Variants in SEPTIN7 observed in about 807,000 individuals in gnomAD.
SEPTIN7 encodes the protein septin-7.
SEPTIN7 carries 10 observed loss-of-function variants against 63.3 expected under a neutral mutation model. That is an observed-to-expected ratio of 0.16 (90% CI 0.10 to 0.27). The LOEUF (loss-of-function observed/expected upper bound fraction) is 0.27, where lower values mean the gene tolerates loss of function less well. SEPTIN7 is among the 10% of genes least tolerant of loss of function. SEPTIN7 has a pLI of 1.00. For synonymous variants in SEPTIN7, 131 were observed against 165.3 expected (o/e 0.79, Z 1.59); for missense variants, 310 against 521.0 (o/e 0.59, Z 3.94).
intron 4 of SEPTIN7, among the ~76,000 whole-genome samples, chr7:35,871,553 A>G (rs1391795821): frequency 6.6e-6 from 1 of 152,232 alleles, no homozygotes; most frequent in Non-Finnish European, 1.5e-5. Context: ...CAATTCCATC[A>G]TCTCAGAAAG....
chr7:35,901,264 G>A (rs1788303405), intron 12 of SEPTIN7: 1 of 152,124 alleles, frequency 6.6e-6, no homozygotes, highest in Non-Finnish European at 1.5e-5. Flanking sequence ...TAGTATGCCA[G>A]CATTTGAACC....
At chr7:35,851,368 GATA>G (rs1784951890) in intron 3 of SEPTIN7, among the ~76,000 whole-genome samples, 1 of 152,074 alleles carries the variant, frequency 6.6e-6, no homozygotes, top group Non-Finnish European at 1.5e-5. Flanking sequence ...ATGAGGGAAT[GATA>G]ATGACATTGT....
intron 6 of SEPTIN7, among the ~76,000 whole-genome samples, chr7:35,876,851 C>T (rs2116243827): frequency 6.6e-6 from 1 of 152,218 alleles, no homozygotes; most frequent in South Asian, 2.1e-4. Flanking sequence ...TGCCTGTAAT[C>T]CCAGCTACTC....
At chr7:35,894,125 CT>C (rs35271815) in intron 11 of SEPTIN7, among the ~76,000 whole-genome samples, 54,514 of 134,950 alleles carry the variant, frequency 0.4, 10,280 homozygotes, top group African/African-American at 0.47. Flanking sequence ...GGAGGGCCGT[CT>C]TTTTTTTTTT....
chr7:35,860,838 T>G (rs1425102132), intron 3 of SEPTIN7, among the ~76,000 whole-genome samples: 1 of 152,202 alleles, frequency 6.6e-6, no homozygotes, highest in African/African-American at 2.4e-5. Context: ...TTTTTCTTAT[T>G]TGGAGTTTGT....
intron 6 of SEPTIN7, 28 bp from the exon 7 acceptor site, chr7:35,879,795 C>G: frequency 8.1e-7 from 1 of 1,230,220 alleles, no homozygotes; most frequent in Non-Finnish European, 1.2e-6. Context: ...CTGATCAATT[C>G]AGTCAAATTA....
chr7:35,804,835 G>GTTTTTTTTTTTTT, intron 1 of SEPTIN7, among the ~76,000 whole-genome samples: 1 of 123,310 alleles, frequency 8.1e-6, no homozygotes, highest in Non-Finnish European at 1.7e-5. Flanking sequence ...TTCTTTTTTT[G>GTTTTTTTTTTTTT]TTTTTTTTTT....
At chr7:35,892,695 C>T (rs567300451) in intron 11 of SEPTIN7, among the ~76,000 whole-genome samples, 1 of 152,166 alleles carries the variant, frequency 6.6e-6, no homozygotes, top group South Asian at 2.1e-4. Context: ...TTTACAGTAT[C>T]ATTAAGTTTC....
In SEPTIN7 at chr7:35,831,059, T is replaced by A. The variant is rs1783810412; in HGVS notation, c.62-433T>A. Among the ~76,000 whole-genome samples the A allele has an allele frequency of 2.0e-5, 3 of 152,208 alleles. No homozygotes were observed. In the South Asian group the frequency reaches 6.2e-4, roughly 32 times the overall value. On this transcript the variant is annotated intron_variant, in intron 1 of 13. Coordinates refer to ENST00000350320, the MANE Select transcript of SEPTIN7 (RefSeq NM_001788.6). ...AATTGCATGAAATTTACATTTTTTT[T>A]CTTCTTGTAATTTAAAACTTGGTTC...
intron 3 of SEPTIN7, among the ~76,000 whole-genome samples, chr7:35,837,763 GCT>G (rs1486321980): frequency 2.0e-4 from 30 of 152,060 alleles, no homozygotes; most frequent in African/African-American, 7.2e-4. Flanking sequence ...ATGGAGTCTT[GCT>G]CTGTTGTCCA....
chr7:35,802,964 A>G (rs373513079), intron 1 of SEPTIN7, among the ~76,000 whole-genome samples: 1 of 152,228 alleles, frequency 6.6e-6, no homozygotes, highest in South Asian at 2.1e-4. Context: ...GCATTGTCTT[A>G]TTCTATGATG....
chr7:35,884,578 T>G (rs563883766), intron 9 of SEPTIN7, among the ~76,000 whole-genome samples: 1 of 152,188 alleles, frequency 6.6e-6, no homozygotes, highest in Non-Finnish European at 1.5e-5. Context: ...ATGAACCACC[T>G]GGAATCAAAC....
At chr7:35,804,619 G>A (rs1413031063) in intron 1 of SEPTIN7, among the ~76,000 whole-genome samples, 1 of 152,164 alleles carries the variant, frequency 6.6e-6, no homozygotes, top group Non-Finnish European at 1.5e-5. Context: ...AGTCAGAGTA[G>A]GTTAGATTGT....
intron 10 of SEPTIN7, among the ~76,000 whole-genome samples, chr7:35,889,557 CTTTTT>C (rs1445080386): frequency 6.6e-6 from 1 of 150,906 alleles, no homozygotes; most frequent in Non-Finnish European, 1.5e-5. Context: ...CTTTTTTTTT[CTTTTT>C]AAGACGGTCT....
At chr7:35,907,321 A>G (rs770954899), downstream of SEPTIN7, among the ~76,000 whole-genome samples, 1 of 152,104 alleles carries the variant, frequency 6.6e-6, no homozygotes, top group African/African-American at 2.4e-5. Flanking sequence ...TTCATCCAGA[A>G]TTTTACCTGC....
chr7:35,849,856 T>C (rs901971812), intron 3 of SEPTIN7, among the ~76,000 whole-genome samples: 2 of 152,218 alleles, frequency 1.3e-5, no homozygotes, highest in African/African-American at 4.8e-5. Flanking sequence ...CTTGAAACTC[T>C]TCCTCACTTT....
At chr7:35,804,348 A>C (rs1788190374) in intron 1 of SEPTIN7, among the ~76,000 whole-genome samples, 1 of 152,226 alleles carries the variant, frequency 6.6e-6, no homozygotes, top group African/African-American at 2.4e-5. Flanking sequence ...CTTTTGCATC[A>C]TCAGAGATCT....
At chr7:35,911,642 G>T (rs1043895292), downstream of SEPTIN7, among the ~76,000 whole-genome samples, 6 of 152,112 alleles carry the variant, frequency 3.9e-5, no homozygotes, top group African/African-American at 1.5e-4. Flanking sequence ...CATATAATAA[G>T]AAGTATGGCA....
At chr7:35,882,724 G>A (rs1786966402) in intron 8 of SEPTIN7, 148 bp downstream of exon 8, 3 of 673,548 alleles carry the variant, frequency 4.5e-6, no homozygotes, top group African/African-American at 1.9e-5. Flanking sequence ...CAACTTTATA[G>A]TTAACTTTGA....
Sources: gnomAD v4.1 joint callset for allele counts (sites outside exome capture counted in the v4.1 genomes callset) on GRCh38, gnomAD v4.1.1 for gene constraint, MANE v1.5 for transcripts, NCBI Gene and HGNC (gene_info 2026-07-23, HGNC 2026-07-21) for gene names.